Variants in PDE1C observed in about 807,000 individuals in gnomAD.
PDE1C encodes phosphodiesterase 1C, also known as dual specificity calcium/calmodulin-dependent 3',5'-cyclic nucleotide phosphodiesterase 1C.
PDE1C carries 62 observed loss-of-function variants against 93.1 expected under a neutral mutation model. The observed-to-expected ratio is 0.67, with a 90% CI of 0.54 to 0.82. The LOEUF is 0.82. PDE1C is among the 40% of genes least tolerant of loss of function. The pLI, the probability that PDE1C is intolerant of heterozygous loss-of-function variation, is 0.00. For missense variants in PDE1C, 742 were observed against 884.6 expected (o/e 0.84, Z 2.04); for synonymous variants, 325 against 310.1 (o/e 1.05, Z -0.50).
intron 1 of PDE1C, among the ~76,000 whole-genome samples, chr7:32,420,120 TATATACACACACACACACACACACACAC>T (rs1258551563): frequency 4.3e-5 from 1 of 23,168 alleles, no homozygotes; most frequent in Non-Finnish European, 8.9e-5. Flanking sequence ...TATATATATA[TATATACACACACACACACACACACACAC>T]ACACACACAC....
chr7:31,778,062 A>G (rs1211009562), intron 16 of PDE1C, among the ~76,000 whole-genome samples: 1 of 152,182 alleles, frequency 6.6e-6, no homozygotes. Context: ...TTGAATTTTA[A>G]CAATTTCACC....
chr7:32,018,227 T>C (rs1788175997), intron 2 of PDE1C, among the ~76,000 whole-genome samples: 3 of 152,068 alleles, frequency 2.0e-5, no homozygotes, highest in Non-Finnish European at 4.4e-5. Flanking sequence ...GTAATATGTA[T>C]GGTGCAGCTG....
At chr7:31,849,486 C>A (rs1349011233) in intron 8 of PDE1C, among the ~76,000 whole-genome samples, 3 of 152,196 alleles carry the variant, frequency 2.0e-5, no homozygotes. Flanking sequence ...AAGCAAGTAG[C>A]TGAAGTTCTT....
intron 3 of PDE1C, among the ~76,000 whole-genome samples, chr7:32,153,753 A>T (rs942565720): frequency 2.0e-5 from 3 of 152,206 alleles, no homozygotes; most frequent in Admixed American, 6.5e-5. Context: ...TTCAGCAAGA[A>T]AAAAAGTGAC....
intron 2 of PDE1C, among the ~76,000 whole-genome samples, chr7:31,901,749 C>A (rs1481424773): frequency 6.6e-6 from 1 of 151,562 alleles, no homozygotes; most frequent in Admixed American, 6.6e-5. Flanking sequence ...AACAATACAG[C>A]ACTATTGTCA....
chr7:31,920,570 T>G (rs1392321651), intron 2 of PDE1C, among the ~76,000 whole-genome samples: 1 of 152,170 alleles, frequency 6.6e-6, no homozygotes, highest in Non-Finnish European at 1.5e-5. Flanking sequence ...TATCACCATT[T>G]TTATTAAGAA....
At chr7:31,991,703 T>C (rs1784160518) in intron 2 of PDE1C, among the ~76,000 whole-genome samples, 1 of 152,182 alleles carries the variant, frequency 6.6e-6, no homozygotes, top group African/African-American at 2.4e-5. Flanking sequence ...GGTTGAAGAA[T>C]TAAATAAAGT....
chr7:31,716,598 T>A, the PDE1C span, among the ~76,000 whole-genome samples: 7 of 152,344 alleles, frequency 4.6e-5, no homozygotes, highest in East Asian at 1.9e-4. Flanking sequence ...CACATGTAAC[T>A]GTTTCCAGAG....
chr7:31,866,358 T>A (rs1430901917), intron 6 of PDE1C, among the ~76,000 whole-genome samples: 1 of 152,186 alleles, frequency 6.6e-6, no homozygotes, highest in Non-Finnish European at 1.5e-5. Context: ...TTACCATTTT[T>A]AAAAATAAAG....
rs1381703080 is a variant in PDE1C at position 31,837,211 on chromosome 7, G to A, written c.1172C>T (p.Thr391Ile). The A allele has an allele frequency of 6.2e-7, 1 of 1,613,604 alleles. No homozygotes were observed. The highest frequency in any genetic ancestry group is 1.3e-5 in the African/African-American group (1 of 74,902). The stretch of plus-strand genomic sequence containing the variant: ...GAAGAACTCCTCCAGGAGTGACATT[G>A]TCCAGCGATGATGGAGGTCCCATGC... Reference protein sequence around the residue: ...AKAWDLHHRWTMSLLEEFFRQ... With the variant: ...AKAWDLHHRWIMSLLEEFFRQ... The change falls in exon 11 of 18, where the codon ACA (threonine) becomes ATA (isoleucine). Residue 391 changes from threonine to isoleucine, a missense_variant. Physicochemically the swap from Thr to Ile is moderately conservative, Grantham distance 89 (BLOSUM62 -1). Around this residue, in one of 4 missense-constraint regions of PDE1C, gnomAD observed 454 missense variants for 459.4 expected, o/e 0.99. Transcript: ENST00000396191.
chr7:31,795,862 C>T (rs1278876693), intron 16 of PDE1C, among the ~76,000 whole-genome samples: 1 of 151,548 alleles, frequency 6.6e-6, no homozygotes, highest in African/African-American at 2.4e-5. Flanking sequence ...TAAAACATCA[C>T]TGAATTAATA....
chr7:32,171,946 A>G (rs1170327569), intron 2 of PDE1C, among the ~76,000 whole-genome samples: 3 of 149,702 alleles, frequency 2.0e-5, no homozygotes, highest in Non-Finnish European at 4.4e-5. Flanking sequence ...GAGGTTAATA[A>G]TACAGGAAAC....
the PDE1C span, among the ~76,000 whole-genome samples, chr7:31,679,363 C>G: frequency 6.6e-6 from 1 of 152,108 alleles, no homozygotes; most frequent in Non-Finnish European, 1.5e-5. Context: ...AAGTTATAGC[C>G]GCTATTTTGA....
At chr7:31,697,021 G>A in the PDE1C span, 1 of 1,614,030 alleles carries the variant, frequency 6.2e-7, no homozygotes, top group South Asian at 1.1e-5. Context: ...ACATCCAAAG[G>A]GCAAAATGAT....
At chr7:32,142,882 A>AAT (rs3078676) in intron 3 of PDE1C, among the ~76,000 whole-genome samples, 49,885 of 151,552 alleles carry the variant, frequency 0.33, 8,821 homozygotes, top group South Asian at 0.41. Flanking sequence ...CCCAACACAA[A>AAT]ATATATATAT....
At chr7:32,028,281 C>T (rs537657791) in intron 2 of PDE1C, among the ~76,000 whole-genome samples, 30 of 152,204 alleles carry the variant, frequency 2.0e-4, no homozygotes, top group Non-Finnish European at 3.8e-4. Context: ...ATCTAGACTT[C>T]CAGTGTAAAT....
intron 1 of PDE1C, among the ~76,000 whole-genome samples, chr7:32,264,702 T>C (rs1415159986): frequency 3.9e-5 from 6 of 152,256 alleles, no homozygotes; most frequent in African/African-American, 1.4e-4. Flanking sequence ...ACAGATTCAC[T>C]GGATTCGGTG....
At chr7:32,021,094 C>T (rs183231972) in intron 2 of PDE1C, among the ~76,000 whole-genome samples, 49 of 152,204 alleles carry the variant, frequency 3.2e-4, no homozygotes, top group African/African-American at 1.0e-3. Context: ...GTGATCCAGC[C>T]GTACTGGGGC....
At chr7:31,946,103 A>G (rs1289520865) in intron 2 of PDE1C, among the ~76,000 whole-genome samples, 1 of 152,098 alleles carries the variant, frequency 6.6e-6, no homozygotes, top group Non-Finnish European at 1.5e-5. Flanking sequence ...AGCTCTTCAT[A>G]TATCAATCAT....
Sources: gnomAD v4.1 joint callset for allele counts (sites outside exome capture counted in the v4.1 genomes callset) on GRCh38, gnomAD v4.1.1 for gene constraint, gnomAD v4.1.1 regional missense constraint, MANE v1.5 for transcripts, NCBI Gene and HGNC (gene_info 2026-07-23, HGNC 2026-07-21) for gene names.